CERKL: variants seen among roughly 807,000 people sequenced by gnomAD.
CERKL encodes the protein ceramide kinase-like protein.
Under a neutral mutation model 63.4 loss-of-function variants are expected in CERKL, and 61 were observed. The ratio of observed to expected loss-of-function variants is 0.96; its 90% CI spans 0.78 to 1.19. The LOEUF (loss-of-function observed/expected upper bound fraction) is 1.19, where lower values mean the gene tolerates loss of function less well. Ranked by LOEUF, CERKL falls within the 50% of genes most tolerant of loss-of-function variation. CERKL has a pLI of 0.00. For synonymous variants in CERKL, 250 were observed against 230.5 expected, an observed-to-expected ratio of 1.08 and a Z score of -0.77; for missense variants, 675 against 655.5, an observed-to-expected ratio of 1.03 and a Z score of -0.33.
At chr2:181,615,196 C>T (rs1686139975) in intron 1 of CERKL, among the ~76,000 whole-genome samples, 2 of 152,120 alleles carry the variant, frequency 1.3e-5, no homozygotes, top group African/African-American at 2.4e-5. Context: ...GGGGAAAAGT[C>T]AACTTAATTA....
At chr2:181,555,456 C>T (rs959459630) in intron 5 of CERKL, among the ~76,000 whole-genome samples, 16 of 152,118 alleles carry the variant, frequency 1.1e-4, no homozygotes, top group Non-Finnish European at 7.4e-5. Flanking sequence ...TTCCTATATA[C>T]TCTAGAATTA....
At chr2:181,595,138 G>A (rs1685146011) in intron 2 of CERKL, among the ~76,000 whole-genome samples, 1 of 152,036 alleles carries the variant, frequency 6.6e-6, no homozygotes, top group Admixed American at 6.6e-5. Flanking sequence ...TACAGAATTT[G>A]TGTTTTGCTT....
intron 1 of CERKL, among the ~76,000 whole-genome samples, chr2:181,638,276 C>CCACT (rs1687270939): frequency 6.6e-6 from 1 of 152,120 alleles, no homozygotes; most frequent in African/African-American, 2.4e-5. Context: ...GTCTCTAATA[C>CCACT]CACTATCCAG....
chr2:181,568,250 T>C (rs1688747294), intron 3 of CERKL, among the ~76,000 whole-genome samples: 1 of 152,204 alleles, frequency 6.6e-6, no homozygotes, highest in South Asian at 2.1e-4. Flanking sequence ...TGGGATATGA[T>C]ACTGAAATGT....
In CERKL at chr2:181,547,635, G is replaced by A. The variant is rs1468320226; in HGVS notation, c.1251C>T (p.Gly417=). 4 of 1,613,714 alleles carry A rather than the reference G, an allele frequency of 2.5e-6. No homozygotes were observed. Among genetic ancestry groups the A allele is most frequent in the African/African-American group, 1.3e-5 (1 of 74,908 alleles). ...IPCLCSVAPR[G]LAPNTRLNNG... ...TTACTAACCTGGTATTAGGTGCCAA[G>A]CCTCTAGGTGCCACTGAACACAGGC... is the stretch of plus-strand genomic sequence containing the variant. Residue 417 remains glycine (G), a synonymous_variant, in exon 10 of 13, where the codon GGC becomes GGT. Coordinates refer to ENST00000410087, the MANE Select transcript of CERKL (RefSeq NM_201548.5).
At chr2:181,651,424 T>C (rs1384677202) in intron 1 of CERKL, among the ~76,000 whole-genome samples, 1 of 152,218 alleles carries the variant, frequency 6.6e-6, no homozygotes, top group African/African-American at 2.4e-5. Flanking sequence ...AAAAACTGTA[T>C]GATCATTTTA....
chr2:181,536,795 C>CTTATGATCTAGATA lies in CERKL; in HGVS notation c.*1375_*1388dup, dbSNP rs1447664228. The stretch of plus-strand genomic sequence containing the variant: ...TCATTTTTGTAATATTTATTTTATG[C>CTTATGATCTAGATA]TTATGATCTAGATAATTGCAGAATA... On this transcript the variant is annotated 3_prime_UTR_variant, in exon 13 of 13. Coordinates refer to ENST00000410087, the MANE Select transcript of CERKL (RefSeq NM_201548.5). The CTTATGATCTAGATA allele has an allele frequency of 3.8e-5, 10 of 261,208 alleles. No individual in the cohort carries two copies. The Admixed American group carries it at 3.9e-4, about 10-fold the overall frequency. 16.2% of individuals were successfully genotyped at this position (261,208 alleles called of 1,614,324 possible). A position where few individuals can be genotyped will look rare whatever the true frequency, so the allele number is the denominator to read the frequency against.
In CERKL at chr2:181,537,659, TTATTTCAGAATTATCTAGGTTAAA is replaced by T. The variant is rs1464016879; in HGVS notation, c.*501_*524del. ...ATCCTGAAAAATGAAAGAATCCAAA[TTATTTCAGAATTATCTAGGTTAAA>T]TATTGATGTATTATGATGGTTGCAA... On this transcript the variant is annotated 3_prime_UTR_variant, in exon 13 of 13. Coordinates refer to ENST00000410087, the MANE Select transcript of CERKL (RefSeq NM_201548.5). The T allele has an allele frequency of 2.3e-6, 1 of 435,174 alleles. No homozygotes were observed. The highest frequency in any genetic ancestry group is 2.0e-5 in the African/African-American group (1 of 48,816). 27.0% of individuals were successfully genotyped at this position (435,174 alleles called of 1,614,324 possible).
chr2:181,555,552 T>C (rs1275216869), intron 5 of CERKL, among the ~76,000 whole-genome samples: 2 of 152,154 alleles, frequency 1.3e-5, no homozygotes, highest in Non-Finnish European at 2.9e-5. Context: ...GAATATCTTA[T>C]GCTCTGTCAA....
intron 2 of CERKL, among the ~76,000 whole-genome samples, chr2:181,579,396 G>A (rs183837391): frequency 6.6e-6 from 1 of 151,892 alleles, no homozygotes; most frequent in African/African-American, 2.4e-5. Context: ...ATGAGAGGTT[G>A]TAAAATTTTG....
Position 181,656,749 on chromosome 2 carries a change from G to T in CERKL, c.238+20C>A, listed in dbSNP as rs201013451. 9 of 1,570,436 alleles carry T rather than the reference G, an allele frequency of 5.7e-6. No individual in the cohort carries two copies. Among genetic ancestry groups the T allele is most frequent in the Non-Finnish European group, 6.9e-6 (8 of 1,156,994 alleles). On this transcript the variant is annotated intron_variant, in intron 1 of 12. Coordinates refer to ENST00000410087, the MANE Select transcript of CERKL (RefSeq NM_201548.5). ...AGGAAGCGCGGAGGGAGGCGAAGAC[G>T]CTTGGGGCCGGGCACTCACCCGCCG...
chr2:181,578,447 A>G (rs911347171), intron 2 of CERKL, among the ~76,000 whole-genome samples: 1 of 152,054 alleles, frequency 6.6e-6, no homozygotes, highest in Non-Finnish European at 1.5e-5. Context: ...CCACAGGCAT[A>G]CACCACCAGA....
intron 1 of CERKL, among the ~76,000 whole-genome samples, chr2:181,637,549 G>T (rs2105499765): frequency 6.6e-6 from 1 of 152,072 alleles, no homozygotes; most frequent in Middle Eastern, 3.4e-3. Context: ...TACTGTGGGG[G>T]TAATGAAAAG....
intron 1 of CERKL, among the ~76,000 whole-genome samples, chr2:181,652,789 T>C (rs1687994939): frequency 6.6e-6 from 1 of 152,068 alleles, no homozygotes; most frequent in Admixed American, 6.5e-5. Flanking sequence ...CTTTTTTTTT[T>C]TTTTGAGATG....
intron 1 of CERKL, among the ~76,000 whole-genome samples, chr2:181,644,731 G>C (rs1687596196): frequency 6.6e-6 from 1 of 152,140 alleles, no homozygotes; most frequent in East Asian, 1.9e-4. Flanking sequence ...TGCATTCAAT[G>C]TCTCAGTATA....
chr2:181,656,687 A>G, intron 1 of CERKL, 82 bp downstream of exon 1: 1 of 1,207,454 alleles, frequency 8.3e-7, no homozygotes, highest in Non-Finnish European at 1.1e-6. Flanking sequence ...GGGTGGAGCA[A>G]AAGCTCGTGG....
chr2:181,590,577 T>A (rs1037942361), intron 2 of CERKL, among the ~76,000 whole-genome samples: 1 of 151,986 alleles, frequency 6.6e-6, no homozygotes, highest in African/African-American at 2.4e-5. Flanking sequence ...CTTGTCAGAA[T>A]TGAGGAGGAA....
intron 1 of CERKL, among the ~76,000 whole-genome samples, chr2:181,644,183 A>C (rs1312202281): frequency 6.6e-6 from 1 of 152,224 alleles, no homozygotes; most frequent in Non-Finnish European, 1.5e-5. Flanking sequence ...TCTCACACCC[A>C]GTCCCTGGCA....
chr2:181,551,614 C>T (rs1195389534), intron 5 of CERKL, among the ~76,000 whole-genome samples: 1 of 151,816 alleles, frequency 6.6e-6, no homozygotes, highest in African/African-American at 2.4e-5. Flanking sequence ...ACACTCACAC[C>T]AGTCAGAATG....
Sources: allele counts gnomAD v4.1 joint callset (sites outside exome capture counted in the v4.1 genomes callset), GRCh38; gene constraint gnomAD v4.1.1; transcripts MANE v1.5; gene names NCBI Gene and HGNC (gene_info 2026-07-23, HGNC 2026-07-21).